The following WDR97 variants were observed in gnomAD, a reference collection of about 807,000 sequenced individuals.
WDR97 encodes the protein WD repeat domain 97, also known as WD repeat-containing protein 97.
WDR97 carries 111 observed loss-of-function variants against 65.4 expected under a neutral mutation model. The ratio of observed to expected loss-of-function variants is 1.70; its 90% confidence interval spans 1.45 to 1.99. The LOEUF is 1.99. WDR97 is among the 30% of genes most tolerant of loss of function. The pLI, the probability that WDR97 is intolerant of heterozygous loss-of-function variation, is 0.00. For missense variants in WDR97, 1,674 were observed against 865.0 expected (o/e 1.94, Z -11.73); for synonymous variants, 802 against 397.7 (o/e 2.02, Z -12.10).
Position 144,113,503 on chromosome 8 carries a change from T to C in WDR97, c.3169T>C (p.Trp1057Arg), listed in dbSNP as rs761310859. ...VPNSAVLQQM[W>R]LNAEPGASQD... The stretch of plus-strand genomic sequence containing the variant: ...CAACTCCGCGGTGCTACAGCAGATG[T>C]GGCTAAATGCGGAGGTCAGCAGCCT... Residue 1057 changes from tryptophan (W) to arginine (R), a missense_variant, in exon 16 of 24, where the codon TGG becomes CGG. Trp to Arg is a moderately radical substitution (Grantham distance 101, BLOSUM62 -3). Coordinates refer to ENST00000323662, the MANE Select transcript of WDR97 (RefSeq NM_001316309.2). 3.6e-5 allele frequency: 25 copies of C among 699,206 alleles called. No individual in the cohort carries two copies. The highest frequency in any genetic ancestry group is 3.4e-4 in the South Asian group (23 of 67,556). 43.3% of individuals were successfully genotyped at this position (699,206 alleles called of 1,614,324 possible).
rs1189582871 is a variant in WDR97 at position 144,109,426 on chromosome 8, G to C, written c.1092G>C (p.Ala364=). ...DGTLRTWDLQ[A]AAQVGEVALG... ...CGCTACGCACCTGGGACCTGCAGGC[G>C]GCGGCGCAGGTGGGCGAGGTAGCGC... Residue 364 remains alanine (A), a synonymous_variant, in exon 5 of 24, where the codon GCG becomes GCC. Transcript: ENST00000323662. 1.4e-6 allele frequency: 1 copy of C among 702,058 alleles called. No homozygotes were observed. The highest frequency in any genetic ancestry group is 1.7e-5 in the African/African-American group (1 of 57,256). 43.5% of individuals were successfully genotyped at this position (702,058 alleles called of 1,614,324 possible).
In WDR97 at chr8:144,108,417, G is replaced by T. The variant is rs1253540974; in HGVS notation, c.351G>T (p.Pro117=). 1.4e-6 allele frequency: 1 copy of T among 699,448 alleles called. No homozygotes were observed. The highest frequency in any genetic ancestry group is 2.7e-5 in the East Asian group (1 of 37,186). The allele number at this position is 699,448 out of a possible 1,614,324, so 43.3% of individuals were successfully genotyped here. Reference sequence around the variant, plus strand: ...GGCTGCGCTCGGTGGCGCAGGACCCGGTGGGTGGACGCTTCGTGGTGCTGG... The same window carrying T: ...GGCTGCGCTCGGTGGCGCAGGACCCTGTGGGTGGACGCTTCGTGGTGCTGG... The part of the protein sequence containing the change: ...AAGLRSVAQD[P]VGGRFVVLDG... Residue 117 remains proline, a synonymous_variant, in exon 3 of 24, where the codon CCG becomes CCT. Transcript: ENST00000323662.
rs1836669733 is a variant in WDR97, at chr8:144,116,454, CACA to C, written c.*162_*164del. On this transcript the variant is annotated 3_prime_UTR_variant, in exon 24 of 24. Transcript: ENST00000323662. ...GGCGTGTGGGCGTGCGGCCTGAACC[CACA>C]GTGGCGGCGGAAGGCAGGAGCCGGA... 2 of 497,964 alleles carry C rather than the reference CACA, an allele frequency of 4.0e-6. No homozygotes were observed. Among genetic ancestry groups the C allele is most frequent in the Non-Finnish European group, 7.0e-6 (2 of 283,788 alleles). 30.8% of individuals were successfully genotyped at this position (497,964 alleles called of 1,614,324 possible).
rs551896269 is a variant in WDR97, at chr8:144,110,457, C to T, written c.1960C>T (p.Arg654Cys). Residue 654 changes from arginine to cysteine, a missense_variant, in exon 7 of 24, where the codon CGC becomes TGC. Arg to Cys is a radical substitution (Grantham distance 180). Coordinates refer to ENST00000323662, the MANE Select transcript of WDR97 (RefSeq NM_001316309.2). ...PAVALCALGRRVTAGFEDPDS... is the reference protein window; with the variant it reads ...PAVALCALGRCVTAGFEDPDS... ...CGTGGCGCTCTGTGCGCTAGGCAGACGCGTCACCGCGGGCTTTGAGGACCC... is the reference window on the plus strand; with the variant it reads ...CGTGGCGCTCTGTGCGCTAGGCAGATGCGTCACCGCGGGCTTTGAGGACCC... 2.4e-5 allele frequency: 17 copies of T among 703,000 alleles called. No individual in the cohort carries two copies. Among genetic ancestry groups the T allele is most frequent in the African/African-American group, 1.4e-4 (8 of 57,390 alleles). The allele number at this position is 703,000 out of a possible 1,614,324, so 43.5% of individuals were successfully genotyped here.
chr8:144,111,549 C>T, intron 11 of WDR97, 63 bp downstream of exon 11: 1 of 691,498 alleles, frequency 1.4e-6, no homozygotes, highest in Non-Finnish European at 2.6e-6. Context: ...AGCCCTGGGG[C>T]AGGCCTGGGA....
At position 144,114,060 on chromosome 8, in the gene WDR97, G is replaced by A. The variant is rs747873843; in HGVS notation, c.3492G>A (p.Gly1164=). ...RTHPHPWHRH[G]SLLLDEHYGH... ...ACCCTCATCCCTGGCACCGTCATGGGAGTTTGCTCTTGGATGAGCATTACG... is the reference window on the plus strand; with the variant it reads ...ACCCTCATCCCTGGCACCGTCATGGAAGTTTGCTCTTGGATGAGCATTACG... Residue 1164 remains glycine (G), a synonymous_variant, in exon 18 of 24, where the codon GGG becomes GGA. Transcript: ENST00000323662. 1.4e-6 allele frequency: 1 copy of A among 702,870 alleles called. No individual in the cohort carries two copies. The highest frequency in any genetic ancestry group is 2.6e-6 in the Non-Finnish European group (1 of 384,994). The allele number at this position is 702,870 out of a possible 1,614,324, so 43.5% of individuals were successfully genotyped here. A position where few individuals can be genotyped will look rare whatever the true frequency, so the allele number is the denominator to read the frequency against.
chr8:144,112,915 C>G, intron 15 of WDR97: 1 of 314,436 alleles, frequency 3.2e-6, no homozygotes, highest in South Asian at 5.8e-5. Context: ...GTCAAGGGAA[C>G]CTGGCCCTTT....
Position 144,109,105 on chromosome 8 carries a change from G to T in WDR97, c.935G>T (p.Arg312Leu). 1.4e-6 allele frequency: 1 copy of T among 703,076 alleles called. No individual in the cohort carries two copies. Among genetic ancestry groups the T allele is most frequent in the Non-Finnish European group, 2.6e-6 (1 of 385,030 alleles). 43.6% of individuals were successfully genotyped at this position (703,076 alleles called of 1,614,324 possible). ...GTAGAGGCAATGGTGACAGCTTCCC[G>T]GGACAGCACCGTGAAGGTGTGGGAG... ...EEVEAMVTASRDSTVKVWEAD... is the reference protein window; with the variant it reads ...EEVEAMVTASLDSTVKVWEAD... The change falls in exon 4 of 24, where the codon CGG (arginine) becomes CTG (leucine). Residue 312 changes from arginine (R) to leucine (L), a missense_variant. Transcript: ENST00000323662.
rs556920881 is a variant in WDR97 at position 144,110,188 on chromosome 8, A to T, written c.1775A>T (p.Gln592Leu). ...TGGCTCTCGTCGAAGACTGTCTTCC[A>T]AACGGAGGCGCACAGCCCGGGCCCG... Reference protein sequence around the residue: ...LEWLSSKTVFQTEAHSPGPVV... With the variant: ...LEWLSSKTVFLTEAHSPGPVV... Residue 592 changes from glutamine (Q) to leucine (L), a missense_variant, in exon 6 of 24, where the codon CAA (glutamine) becomes CTA (leucine). Gln to Leu is a moderately radical substitution (Grantham distance 113). Coordinates refer to ENST00000323662, the MANE Select transcript of WDR97 (RefSeq NM_001316309.2). 9 of 702,882 alleles carry T rather than the reference A, an allele frequency of 1.3e-5. No individual in the cohort carries two copies. In the East Asian group the frequency reaches 2.4e-4, roughly 19 times the overall value. 43.5% of individuals were successfully genotyped at this position (702,882 alleles called of 1,614,324 possible).
At position 144,110,936 on chromosome 8, in the gene WDR97, G is replaced by A; in HGVS notation, c.2244G>A (p.Leu748=). ...ACAGTGGAGACCTGGTGCTGGCGCT[G>A]GGATCCCGCCTCTGCCTGGTGTCCC... ...CSNSGDLVLA[L]GSRLCLVSHR... The change falls in exon 9 of 24, where the codon CTG becomes CTA. Residue 748 remains leucine, a synonymous_variant. Coordinates refer to ENST00000323662, the MANE Select transcript of WDR97 (RefSeq NM_001316309.2). The A allele has an allele frequency of 1.4e-6, 1 of 702,782 alleles. No individual in the cohort carries two copies. Among genetic ancestry groups the A allele is most frequent in the South Asian group, 1.5e-5 (1 of 67,600 alleles). 43.5% of individuals were successfully genotyped at this position (702,782 alleles called of 1,614,324 possible).
intron 22 of WDR97, 31 bp downstream of exon 22, chr8:144,115,889 G>A (rs1034746767): frequency 6.0e-5 from 42 of 698,654 alleles, no homozygotes; most frequent in African/African-American, 3.7e-4. Context: ...CGGGGCCTGC[G>A]TGGGGCAGCC....
Position 144,115,514 on chromosome 8 carries a change from G to C in WDR97, c.4251G>C (p.Gln1417His), listed in dbSNP as rs1484146743. ...CGCACTCTTTAGCCCCGGAGCTCCA[G>C]GCCCAGCGGATGCTGGCACCCAAGC... ...AEPHSLAPEL[Q>H]AQRMLAPKRS... Residue 1417 changes from glutamine (Q) to histidine (H), a missense_variant, in exon 22 of 24, where the codon CAG (glutamine) becomes CAC (histidine). Transcript: ENST00000323662. 2.9e-6 allele frequency: 2 copies of C among 697,158 alleles called. No individual in the cohort carries two copies. Among genetic ancestry groups the C allele is most frequent in the Non-Finnish European group, 5.2e-6 (2 of 381,852 alleles). 43.2% of individuals were successfully genotyped at this position (697,158 alleles called of 1,614,324 possible).
In WDR97 at chr8:144,114,047, G is replaced by A. The variant is rs961210224; in HGVS notation, c.3479G>A (p.Trp1160Ter). 2.8e-6 allele frequency: 2 copies of A among 702,744 alleles called. No individual in the cohort carries two copies. Among genetic ancestry groups the A allele is most frequent in the African/African-American group, 1.7e-5 (1 of 57,278 alleles). The allele number at this position is 702,744 out of a possible 1,614,324, so 43.5% of individuals were successfully genotyped here. The change falls in exon 18 of 24, where the codon TGG becomes TAG. Residue 1160 changes from tryptophan (W) to a stop codon, truncating the protein, a stop_gained. Transcript: ENST00000323662. LOFTEE classifies it high-confidence loss of function. ...GTTGCCAGGACCCACCCTCATCCCT[G>A]GCACCGTCATGGGAGTTTGCTCTTG... ...CKVARTHPHP[W>*]HRHGSLLLDE...
In WDR97 at chr8:144,115,571, A is replaced by C. The variant is rs1175787127; in HGVS notation, c.4308A>C (p.Arg1436Ser). 1.4e-6 allele frequency: 1 copy of C among 694,760 alleles called. No homozygotes were observed. Among genetic ancestry groups the C allele is most frequent in the South Asian group, 1.5e-5 (1 of 67,212 alleles). The allele number at this position is 694,760 out of a possible 1,614,324, so 43.0% of individuals were successfully genotyped here. Residue 1436 changes from arginine to serine, a missense_variant, in exon 22 of 24, where the codon AGA becomes AGC. Transcript: ENST00000323662. The part of the protein sequence containing the change: ...RSWGTPQLRL[R>S]VLSETLKSFC... The stretch of plus-strand genomic sequence containing the variant: ...GGGGGACCCCTCAGCTCCGTCTCAG[A>C]GTGCTCTCCGAGACGCTGAAGAGCT...
Position 144,108,296 on chromosome 8 carries a change from C to G in WDR97, c.250-20C>G. 2.9e-6 allele frequency: 2 copies of G among 691,308 alleles called. No individual in the cohort carries two copies. The highest frequency in any genetic ancestry group is 2.7e-5 in the East Asian group (1 of 37,188). The allele number at this position is 691,308 out of a possible 1,614,324, so 42.8% of individuals were successfully genotyped here. A position where few individuals can be genotyped will look rare whatever the true frequency, so the allele number is the denominator to read the frequency against. The stretch of plus-strand genomic sequence containing the variant: ...GTAGCCCCAACCTTTGATTGCGGGC[C>G]CGCCCACCCCGGCCCACAGGAGAAG... On this transcript the variant is annotated intron_variant, in intron 2 of 23. Coordinates refer to ENST00000323662, the MANE Select transcript of WDR97 (RefSeq NM_001316309.2).
chr8:144,114,674 C>T lies in WDR97; in HGVS notation c.3913C>T (p.Arg1305Trp), dbSNP rs1241113864. 3.6e-5 allele frequency: 25 copies of T among 702,614 alleles called. No homozygotes were observed. Among genetic ancestry groups the T allele is most frequent in the Middle Eastern group, 2.3e-4 (1 of 4,382 alleles). 43.5% of individuals were successfully genotyped at this position (702,614 alleles called of 1,614,324 possible). ...SYFLYSPVHC[R>W]PELKKLLHGL... ...CTTCCTCTACTCTCCCGTGCACTGC[C>T]GGTGAGTTGCGCTCCTGCCCAGCCC... The change falls in exon 20 of 24, where the codon CGG (arginine) becomes TGG (tryptophan). Residue 1305 changes from arginine to tryptophan, a missense_variant and splice_region_variant. Transcript: ENST00000323662.
rs756452224 is a variant in WDR97, at chr8:144,107,873, C to T, written c.112+11C>T. The T allele has an allele frequency of 7.5e-5, 53 of 702,724 alleles. No individual in the cohort carries two copies. The African/African-American group carries it at 8.9e-4, about 12-fold the overall frequency. The allele number at this position is 702,724 out of a possible 1,614,324, so 43.5% of individuals were successfully genotyped here. A position where few individuals can be genotyped will look rare whatever the true frequency, so the allele number is the denominator to read the frequency against. On this transcript the variant is annotated intron_variant, in intron 1 of 23. Coordinates refer to ENST00000323662, the MANE Select transcript of WDR97 (RefSeq NM_001316309.2). ...TCACCGAAAAGAATGGTGAGGGGGC[C>T]TGGCCTCGCCCTCCGGGCATCCCGC...
rs1836555205 is a variant in WDR97 at position 144,111,778 on chromosome 8, G to C, written c.2634G>C (p.Leu878=). The change falls in exon 12 of 24, where the codon CTG becomes CTC. Residue 878 remains leucine, a synonymous_variant. Transcript: ENST00000323662. The stretch of plus-strand genomic sequence containing the variant: ...TCCGTCTGATCTACGGCTCTGGCCT[G>C]CTGGTAGGTGTAGGGCCTCCCCCAG... ...NYLRLIYGSG[L]LGMQSGRGSQ... is the part of the protein sequence containing the mutation. 1 of 686,240 alleles carries C rather than the reference G, an allele frequency of 1.5e-6. No homozygotes were observed. Among genetic ancestry groups the C allele is most frequent in the African/African-American group, 1.8e-5 (1 of 56,930 alleles). The allele number at this position is 686,240 out of a possible 1,614,324, so 42.5% of individuals were successfully genotyped here. A position where few individuals can be genotyped will look rare whatever the true frequency, so the allele number is the denominator to read the frequency against.
In WDR97 at chr8:144,109,325, C is replaced by T. The variant is rs1463185216; in HGVS notation, c.1001-10C>T. On this transcript the variant is annotated splice_polypyrimidine_tract_variant and intron_variant, in intron 4 of 23. Transcript: ENST00000323662. ...TTCAGTCGGCCGAGTGACCTGCACC[C>T]CTCCCACAGGCCCGGTGACGGCTAT... 5 of 701,726 alleles carry T rather than the reference C, an allele frequency of 7.1e-6. No homozygotes were observed. Among genetic ancestry groups the T allele is most frequent in the Non-Finnish European group, 1.3e-5 (5 of 384,524 alleles). 43.5% of individuals were successfully genotyped at this position (701,726 alleles called of 1,614,324 possible).
Sources: gnomAD v4.1 joint callset for allele counts on GRCh38, gnomAD v4.1.1 for gene constraint, MANE v1.5 for transcripts, NCBI Gene and HGNC (gene_info 2026-07-23, HGNC 2026-07-21) for gene names.